Variants in FAM120B observed in about 807,000 individuals in gnomAD.
FAM120B encodes family with sequence similarity 120 member B, also known as constitutive coactivator of peroxisome proliferator-activated receptor gamma.
In FAM120B, 83 loss-of-function variants were observed where a neutral mutation model predicts 96.3. The observed-to-expected ratio is 0.86, with a 90% CI of 0.72 to 1.03. The LOEUF (loss-of-function observed/expected upper bound fraction) is 1.03, where lower values mean the gene tolerates loss of function less well. Among genes scored for constraint, FAM120B ranks in the 50% least tolerant of loss-of-function variants. The pLI is 0.00. For missense variants in FAM120B, 1,027 were observed against 1,121.2 expected (o/e 0.92, Z 1.20); for synonymous variants, 407 against 402.7 (o/e 1.01, Z -0.13).
In FAM120B at chr6:170,391,049, G is replaced by A; in HGVS notation, c.2527G>A (p.Val843Ile). Residue 843 changes from valine (V) to isoleucine (I), a missense_variant, in exon 8 of 11, where the codon GTC becomes ATC. Physicochemically the swap from Val to Ile is conservative, Grantham distance 29. Transcript: ENST00000476287. ...CACCAAATTCCACAACCTGAAGGCA[G>A]TCGTCTGCAAGGCCTGCATGAAGGA... ...RLTKFHNLKA[V>I]VCKACMKENR... The A allele has an allele frequency of 1.2e-6, 2 of 1,614,176 alleles. No homozygotes were observed. Among genetic ancestry groups the A allele is most frequent in the Non-Finnish European group, 1.7e-6 (2 of 1,180,036 alleles).
At chr6:170,381,427 G>A (rs1789894156) in intron 6 of FAM120B, among the ~76,000 whole-genome samples, 1 of 152,104 alleles carries the variant, frequency 6.6e-6, no homozygotes, top group Non-Finnish European at 1.5e-5. Context: ...CTAGCCCAGA[G>A]GTGTCACTCG....
chr6:170,361,202 A>ATATATACGTG (rs1788363860), intron 6 of FAM120B, among the ~76,000 whole-genome samples: 3 of 73,856 alleles, frequency 4.1e-5, no homozygotes, highest in Admixed American at 1.3e-4. Context: ...ATACGTGTAT[A>ATATATACGTG]TATATATATA....
At chr6:170,382,610 A>G (rs1789973885) in intron 6 of FAM120B, among the ~76,000 whole-genome samples, 1 of 152,166 alleles carries the variant, frequency 6.6e-6, no homozygotes, top group African/African-American at 2.4e-5. Context: ...CAGGATCTGT[A>G]TGCTAAAAAT....
At chr6:170,306,565 T>C (rs1013479170), upstream of FAM120B, 1 of 152,186 alleles carries the variant, frequency 6.6e-6, no homozygotes, top group Non-Finnish European at 1.5e-5. Context: ...CCAGAGCAGT[T>C]GCTGTGGCAA....
At chr6:170,389,272 A>G (rs1176183518) in intron 7 of FAM120B, among the ~76,000 whole-genome samples, 3 of 152,238 alleles carry the variant, frequency 2.0e-5, no homozygotes, top group African/African-American at 2.4e-5. Flanking sequence ...GTAATTTTAT[A>G]CAGTATTATT....
At chr6:170,350,327 A>G (rs1787492036) in intron 5 of FAM120B, among the ~76,000 whole-genome samples, 1 of 152,188 alleles carries the variant, frequency 6.6e-6, no homozygotes, top group Non-Finnish European at 1.5e-5. Context: ...CCAAGTTCCC[A>G]GGAAGAGGGA....
chr6:170,359,023 A>G (rs1260094643), intron 6 of FAM120B, among the ~76,000 whole-genome samples: 2 of 152,238 alleles, frequency 1.3e-5, no homozygotes, highest in African/African-American at 2.4e-5. Flanking sequence ...TGGTTTATCC[A>G]TAGCTGTAGT....
At chr6:170,336,961 C>A (rs540495708) in intron 4 of FAM120B, among the ~76,000 whole-genome samples, 1 of 152,164 alleles carries the variant, frequency 6.6e-6, no homozygotes, top group East Asian at 1.9e-4. Flanking sequence ...TCTAAATATA[C>A]AATCACGTCA....
chr6:170,386,637 A>T (rs1790201309), intron 6 of FAM120B, among the ~76,000 whole-genome samples: 1 of 152,218 alleles, frequency 6.6e-6, no homozygotes, highest in Admixed American at 6.5e-5. Context: ...AAACCTCAGG[A>T]TCAGAGGGCT....
chr6:170,366,404 C>T (rs1296798747), intron 6 of FAM120B, among the ~76,000 whole-genome samples: 1 of 151,958 alleles, frequency 6.6e-6, no homozygotes, highest in African/African-American at 2.4e-5. Context: ...TGGGGGTGGC[C>T]GGGAAGGGGA....
intron 1 of FAM120B, among the ~76,000 whole-genome samples, chr6:170,316,596 G>A (rs1253839330): frequency 6.6e-6 from 1 of 152,126 alleles, no homozygotes; most frequent in Non-Finnish European, 1.5e-5. Flanking sequence ...TTTCAAATGG[G>A]CAGTTTCTCT....
At chr6:170,294,589 C>T (rs527626336), upstream of FAM120B, among the ~76,000 whole-genome samples, 2 of 152,298 alleles carry the variant, frequency 1.3e-5, no homozygotes, top group African/African-American at 4.8e-5. This position sits in a 1 kb window ranked among gnomAD's most constrained non-coding sequence, Gnocchi z 7.9. Flanking sequence ...TATCAAATTC[C>T]AGTGCGGCCA....
chr6:170,372,182 T>A (rs1789238286), intron 6 of FAM120B, among the ~76,000 whole-genome samples: 1 of 152,210 alleles, frequency 6.6e-6, no homozygotes, highest in Non-Finnish European at 1.5e-5. Flanking sequence ...AGTAATTTGT[T>A]TACTCTCAGT....
intron 6 of FAM120B, among the ~76,000 whole-genome samples, chr6:170,379,136 G>A (rs890270746): frequency 4.6e-5 from 7 of 152,310 alleles, no homozygotes; most frequent in Non-Finnish European, 8.8e-5. Flanking sequence ...GTTAAAACTA[G>A]GCTATAGTGC....
At chr6:170,316,058 C>CAAAAAAAA (rs35344814) in intron 1 of FAM120B, among the ~76,000 whole-genome samples, 2 of 91,826 alleles carry the variant, frequency 2.2e-5, no homozygotes, top group Non-Finnish European at 4.0e-5. Context: ...GACCCGGTCT[C>CAAAAAAAA]AAAAAAAAAA....
intron 6 of FAM120B, among the ~76,000 whole-genome samples, chr6:170,382,760 C>T (rs560874889): frequency 6.6e-6 from 1 of 152,254 alleles, no homozygotes; most frequent in South Asian, 2.1e-4. Context: ...TAGCAAAAAT[C>T]CCAGCAAGGT....
chr6:170,324,126 A>G (rs1785454292), intron 3 of FAM120B, among the ~76,000 whole-genome samples: 1 of 152,228 alleles, frequency 6.6e-6, no homozygotes, highest in Non-Finnish European at 1.5e-5. Flanking sequence ...CAGACATGTC[A>G]ATATTAACCG....
upstream of FAM120B, among the ~76,000 whole-genome samples, chr6:170,303,383 G>A (rs1784183444): frequency 6.6e-6 from 1 of 152,100 alleles, no homozygotes; most frequent in African/African-American, 2.4e-5. Flanking sequence ...GGGACTACAG[G>A]TGCATGCCAC....
At position 170,329,084 on chromosome 6, in the gene FAM120B, C is replaced by T. The variant is rs570421599; in HGVS notation, c.1916-1365C>T. On this transcript the variant is annotated intron_variant, in intron 3 of 10. Coordinates refer to ENST00000476287, the MANE Select transcript of FAM120B (RefSeq NM_032448.3). Reference sequence around the variant, plus strand: ...AGTGCAAGCTCCATTGGTTGGCCAGCCCCAGGACCTTGCCTGGCTTCTCTG... The same window carrying T: ...AGTGCAAGCTCCATTGGTTGGCCAGTCCCAGGACCTTGCCTGGCTTCTCTG... 7.0e-4 allele frequency among the ~76,000 whole-genome samples: 106 copies of T among 152,358 alleles called. 1 individual carries two copies. Among genetic ancestry groups the T allele is most frequent in the African/African-American group, 2.5e-3 (105 of 41,582 alleles).
Sources: gnomAD v4.1 joint callset for allele counts (sites outside exome capture counted in the v4.1 genomes callset) on GRCh38, gnomAD v4.1.1 for gene constraint, Gnocchi (gnomAD v3.1) non-coding constraint, MANE v1.5 for transcripts, NCBI Gene and HGNC (gene_info 2026-07-23, HGNC 2026-07-21) for gene names.